The following SUCLG2 variants were observed in gnomAD, a reference collection of about 807,000 sequenced individuals.
SUCLG2 encodes succinate-CoA ligase GDP-forming subunit beta, also known as succinate--CoA ligase [GDP-forming] subunit beta, mitochondrial.
Under a neutral mutation model 47.9 loss-of-function variants are expected in SUCLG2, and 42 were observed. The observed-to-expected ratio is 0.88, with a 90% CI of 0.69 to 1.14. SUCLG2 has a LOEUF of 1.14. Among genes scored for constraint, SUCLG2 ranks in the 50% most tolerant of loss-of-function variants. The pLI, the probability that SUCLG2 is intolerant of heterozygous loss-of-function variation, is 0.00. For synonymous variants in SUCLG2, 195 were observed against 197.3 expected, an observed-to-expected ratio of 0.99 and a Z score of 0.10; for missense variants, 571 against 525.9, an observed-to-expected ratio of 1.09 and a Z score of -0.84.
intron 4 of SUCLG2, among the ~76,000 whole-genome samples, chr3:67,520,998 T>TG (rs1445884700): frequency 6.6e-6 from 1 of 152,196 alleles, no homozygotes; most frequent in African/African-American, 2.4e-5. Context: ...ATTACTACAC[T>TG]GACTTTTCTC....
intron 9 of SUCLG2, among the ~76,000 whole-genome samples, chr3:67,436,662 C>A (rs1703631849): frequency 6.6e-6 from 1 of 152,084 alleles, no homozygotes; most frequent in Non-Finnish European, 1.5e-5. Context: ...TTACATGATA[C>A]TTTTCATCAG....
chr3:67,371,566 C>T (rs141588313), downstream of SUCLG2, among the ~76,000 whole-genome samples: 200 of 152,296 alleles, frequency 1.3e-3, 3 homozygotes, highest in East Asian at 0.027. Flanking sequence ...ATGCCTTGTG[C>T]AAGTCCCGGA....
rs554029376 is a variant in SUCLG2 at position 67,451,224 on chromosome 3, A to G, written c.1062+44574T>C. Among the ~76,000 whole-genome samples, 4 of 152,214 alleles carry G rather than the reference A, an allele frequency of 2.6e-5. No homozygotes were observed. In the South Asian group the frequency reaches 8.3e-4, roughly 32 times the overall value. On this transcript the variant is annotated intron_variant, in intron 9 of 10. Transcript: ENST00000307227. ...TTGGCTGCTTGAATACATTTCCTAC[A>G]CTTCCTTCATCCAAACTTTACTCAT...
chr3:67,541,981 G>A (rs992848884), intron 2 of SUCLG2, among the ~76,000 whole-genome samples: 1 of 151,442 alleles, frequency 6.6e-6, no homozygotes, highest in Non-Finnish European at 1.5e-5. Flanking sequence ...CAGTTCTCCT[G>A]CCTCAGCCTC....
chr3:67,454,802 A>G (rs559206440), intron 9 of SUCLG2, among the ~76,000 whole-genome samples: 1 of 152,178 alleles, frequency 6.6e-6, no homozygotes, highest in East Asian at 1.9e-4. Context: ...CTCTACTAAA[A>G]ATACAAAAAA....
At chr3:67,577,200 C>T (rs1707764040) in intron 2 of SUCLG2, among the ~76,000 whole-genome samples, 2 of 152,014 alleles carry the variant, frequency 1.3e-5, no homozygotes, top group South Asian at 4.2e-4. Context: ...TACTCCCAGT[C>T]GGGAGGCTGA....
At chr3:67,507,996 A>T (rs1705684995) in intron 7 of SUCLG2, among the ~76,000 whole-genome samples, 1 of 152,222 alleles carries the variant, frequency 6.6e-6, no homozygotes, top group East Asian at 1.9e-4. Context: ...CTATCAAATT[A>T]ATAAGAACTT....
intron 9 of SUCLG2, among the ~76,000 whole-genome samples, chr3:67,431,503 G>A (rs1247548666): frequency 6.6e-6 from 1 of 152,096 alleles, no homozygotes; most frequent in African/African-American, 2.4e-5. Context: ...GTCCATCAAT[G>A]ATAGACTGGA....
rs573902442 is a variant in SUCLG2 at position 67,598,681 on chromosome 3, G to C, written c.226+10774C>G. 9.5e-4 allele frequency among the ~76,000 whole-genome samples: 145 copies of C among 152,264 alleles called. 4 individuals carry two copies. In the South Asian group the frequency reaches 0.028, roughly 29 times the overall value. On this transcript the variant is annotated intron_variant, in intron 2 of 10. Coordinates refer to ENST00000307227, the MANE Select transcript of SUCLG2 (RefSeq NM_003848.4). The stretch of plus-strand genomic sequence containing the variant: ...GGCAACAGGTTAAATTACAACCCCT[G>C]CATCACCCAGTGTATGCTGTGATGT...
rs146817224 is a variant in SUCLG2 at position 67,428,471 on chromosome 3, A to C, written c.1063-27620T>G. 4.6e-3 allele frequency among the ~76,000 whole-genome samples: 707 copies of C among 152,334 alleles called. 4 individuals carry two copies. Among genetic ancestry groups the C allele is most frequent in the African/African-American group, 0.015 (634 of 41,570 alleles). On this transcript the variant is annotated intron_variant, in intron 9 of 10. Coordinates refer to ENST00000307227, the MANE Select transcript of SUCLG2 (RefSeq NM_003848.4). ...CACCATCATCAAAGACCAAAGGTAG[A>C]TAAAACCACAAAGATGGTGAGAAAC...
At position 67,366,072 on chromosome 3, in the gene SUCLG2, T is replaced by C. The variant is rs139259089; in HGVS notation, c.1184-5304A>G. Reference sequence around the variant, plus strand: ...TGCCTAAAACCTGCCCCTAAAGACATAAAATCCCTCACACTAACATATACA... The same window carrying C: ...TGCCTAAAACCTGCCCCTAAAGACACAAAATCCCTCACACTAACATATACA... On this transcript the variant is annotated intron_variant, in intron 10 of 10. Coordinates refer to the SUCLG2 transcript ENST00000493112. Among the ~76,000 whole-genome samples, 29 of 152,264 alleles carry C rather than the reference T, an allele frequency of 1.9e-4. No individual in the cohort carries two copies. In the East Asian group the frequency reaches 5.0e-3, roughly 26 times the overall value.
intron 9 of SUCLG2, among the ~76,000 whole-genome samples, chr3:67,428,890 A>T (rs1409871808): frequency 6.6e-6 from 1 of 152,186 alleles, no homozygotes. Flanking sequence ...GCGAGAAGAG[A>T]AGTTTAGAGA....
intron 9 of SUCLG2, chr3:67,409,051 C>G (rs1262440273): frequency 6.5e-7 from 1 of 1,534,126 alleles, no homozygotes; most frequent in East Asian, 2.4e-5. Flanking sequence ...TAAAATCAAT[C>G]AGAGGTAAGA....
intron 9 of SUCLG2, chr3:67,409,075 T>C: frequency 1.3e-6 from 2 of 1,520,888 alleles, no homozygotes; most frequent in Non-Finnish European, 1.8e-6. Flanking sequence ...CTTGTATAGG[T>C]TTGTGGACCA....
At chr3:67,476,172 C>A (rs909071039) in intron 9 of SUCLG2, among the ~76,000 whole-genome samples, 6 of 151,956 alleles carry the variant, frequency 3.9e-5, no homozygotes, top group African/African-American at 1.4e-4. Context: ...GTCCCTAATC[C>A]CCAAGCCATG....
intron 1 of SUCLG2, among the ~76,000 whole-genome samples, chr3:67,621,655 G>A (rs1700739227): frequency 1.3e-5 from 2 of 151,980 alleles, no homozygotes; most frequent in African/African-American, 2.4e-5. Flanking sequence ...GAGTGAAATC[G>A]GTGGCTTTCT....
At chr3:67,522,458 A>G (rs1706133760) in intron 4 of SUCLG2, among the ~76,000 whole-genome samples, 3 of 151,994 alleles carry the variant, frequency 2.0e-5, no homozygotes, top group Admixed American at 2.0e-4. Flanking sequence ...AAGTATCCTA[A>G]AAGTGAAATG....
Position 67,360,595 on chromosome 3 carries a change from G to A in SUCLG2, c.*34C>T, listed in dbSNP as rs758804875. 511 of 1,458,432 alleles carry A rather than the reference G, an allele frequency of 3.5e-4. 1 individual carries two copies. The highest frequency in any genetic ancestry group is 2.0e-4 in the Non-Finnish European group (223 of 1,104,912). 90.3% of individuals were successfully genotyped at this position (1,458,432 alleles called of 1,614,324 possible). A position where few individuals can be genotyped will look rare whatever the true frequency, so the allele number is the denominator to read the frequency against. ...TGATGATATTCATTAATTTGGAAAAGTAATCTCAGCAAGTATCTTAGCAAA... is the reference window on the plus strand; with the variant it reads ...TGATGATATTCATTAATTTGGAAAAATAATCTCAGCAAGTATCTTAGCAAA... On this transcript the variant is annotated 3_prime_UTR_variant, in exon 11 of 11. Transcript: ENST00000493112.
chr3:67,537,622 T>A (rs1291497525), intron 2 of SUCLG2, among the ~76,000 whole-genome samples: 2 of 152,196 alleles, frequency 1.3e-5, no homozygotes, highest in Non-Finnish European at 2.9e-5. Context: ...AATTTCTAGT[T>A]CTAGATCCTT....
Sources: gnomAD v4.1 joint callset for allele counts (sites outside exome capture counted in the v4.1 genomes callset) on GRCh38, gnomAD v4.1.1 for gene constraint, MANE v1.5 for transcripts, NCBI Gene and HGNC (gene_info 2026-07-23, HGNC 2026-07-21) for gene names.